Variants in FHIP1A observed in about 807,000 individuals in gnomAD.
FHIP1A encodes FHF complex subunit HOOK-interacting protein 1A.
A neutral mutation model predicts 88.6 loss-of-function variants in FHIP1A; 61 were observed. The observed-to-expected ratio is 0.69, with a 90% CI of 0.56 to 0.85. The LOEUF is 0.85. Ranked by LOEUF, FHIP1A falls within the 40% of genes least tolerant of loss-of-function variation. The probability of loss-of-function intolerance (pLI) is 0.00; values close to 1 mark genes in which losing one functional copy is unlikely to be tolerated. For synonymous variants in FHIP1A, 478 were observed against 496.0 expected (o/e 0.96, Z 0.48); for missense variants, 1,154 against 1,273.5 (o/e 0.91, Z 1.43).
rs536110772 is a variant in FHIP1A at position 151,629,754 on chromosome 4, G to T, written c.1031G>T (p.Arg344Leu). The change falls in exon 8 of 14, where the codon CGT becomes CTT. Residue 344 changes from arginine to leucine, a missense_variant. Physicochemically the swap from Arg to Leu is moderately radical, Grantham distance 102. Transcript: ENST00000435205. ...TTTAYLDLFL[R>L]SISEPALLEI... ...ACTGCATATCTGGACCTTTTCCTGC[G>T]TAGCATCTCCGAGCCAGCACTACTT... 5.2e-6 allele frequency: 8 copies of T among 1,551,350 alleles called. No homozygotes were observed. Among genetic ancestry groups the T allele is most frequent in the Admixed American group, 3.9e-5 (2 of 50,978 alleles).
At chr4:151,447,182 G>T (rs932283959) in intron 1 of FHIP1A, among the ~76,000 whole-genome samples, 5 of 152,098 alleles carry the variant, frequency 3.3e-5, no homozygotes, top group Admixed American at 2.6e-4. Context: ...ATACTCTTTG[G>T]AAGACTTCTT....
chr4:151,424,393 G>A (rs1248228020), intron 1 of FHIP1A, among the ~76,000 whole-genome samples: 4 of 152,152 alleles, frequency 2.6e-5, no homozygotes, highest in African/African-American at 7.2e-5. Context: ...GTTTACTCCC[G>A]AGGGGAGAAG....
At chr4:151,572,986 C>T (rs1290422130) in intron 4 of FHIP1A, among the ~76,000 whole-genome samples, 1 of 152,120 alleles carries the variant, frequency 6.6e-6, no homozygotes, top group African/African-American at 2.4e-5. Context: ...ATTTGAAATT[C>T]AGGCCAATTA....
chr4:151,591,671 A>G (rs371149920), intron 7 of FHIP1A, among the ~76,000 whole-genome samples: 6 of 151,488 alleles, frequency 4.0e-5, no homozygotes, highest in Non-Finnish European at 7.4e-5. Flanking sequence ...TTCTCGTTCA[A>G]CTCCCACTTA....
intron 1 of FHIP1A, among the ~76,000 whole-genome samples, chr4:151,434,014 G>T (rs1733703003): frequency 6.6e-6 from 1 of 152,146 alleles, no homozygotes; most frequent in African/African-American, 2.4e-5. Context: ...AAAGAACTTT[G>T]CTTCCCTGAA....
intron 8 of FHIP1A, among the ~76,000 whole-genome samples, 166 bp downstream of exon 8, chr4:151,630,035 G>A (rs144931457): frequency 2.0e-5 from 3 of 152,036 alleles, no homozygotes; most frequent in Admixed American, 1.3e-4. Flanking sequence ...TATTTGGGTA[G>A]AGATGAATGG....
intron 10 of FHIP1A, 36 bp downstream of exon 10, chr4:151,646,784 G>C: frequency 7.0e-7 from 1 of 1,430,374 alleles, no homozygotes; most frequent in Non-Finnish European, 9.5e-7. Context: ...TAAACAAAAG[G>C]ATGCCAGTTC....
chr4:151,507,112 G>A (rs1015614918), intron 3 of FHIP1A, among the ~76,000 whole-genome samples: 26 of 151,948 alleles, frequency 1.7e-4, no homozygotes, highest in Admixed American at 1.5e-3. Context: ...TGCTGTGAAA[G>A]CCTTTCCCCT....
chr4:151,639,859 C>T (rs1736502307), intron 9 of FHIP1A, among the ~76,000 whole-genome samples: 1 of 152,184 alleles, frequency 6.6e-6, no homozygotes, highest in South Asian at 2.1e-4. Context: ...CCTGACCCTT[C>T]ATTTGACCAG....
chr4:151,478,359 A>G (rs998047421), intron 2 of FHIP1A, among the ~76,000 whole-genome samples: 3 of 152,194 alleles, frequency 2.0e-5, no homozygotes, highest in Non-Finnish European at 4.4e-5. Flanking sequence ...CTCATTTCAA[A>G]AAAAATCTAC....
chr4:151,619,789 C>T (rs898242004), intron 7 of FHIP1A, among the ~76,000 whole-genome samples: 1 of 152,206 alleles, frequency 6.6e-6, no homozygotes, highest in African/African-American at 2.4e-5. Context: ...TTTTATTTCT[C>T]TTACTCAGAG....
Position 151,667,511 on chromosome 4 carries a change from T to A in FHIP1A, c.*4757T>A, listed in dbSNP as rs1475350124. 6.6e-6 allele frequency among the ~76,000 whole-genome samples: 1 copy of A among 152,226 alleles called. No individual in the cohort carries two copies. Among genetic ancestry groups the A allele is most frequent in the East Asian group, 1.9e-4 (1 of 5,200 alleles). ...AATCCTCTCTACATTCAGGCATTTA[T>A]TAGGCCATTACTTGTTTTGGGACTA... On this transcript the variant is annotated 3_prime_UTR_variant, in exon 14 of 14. Coordinates refer to ENST00000435205, the MANE Select transcript of FHIP1A (RefSeq NM_001109977.3).
At chr4:151,532,071 A>AT (rs1731897841) in intron 3 of FHIP1A, among the ~76,000 whole-genome samples, 1 of 152,166 alleles carries the variant, frequency 6.6e-6, no homozygotes, top group Non-Finnish European at 1.5e-5. Context: ...CTATTTGATT[A>AT]TTTTTTTAAA....
chr4:151,643,055 A>G (rs1021189338), intron 9 of FHIP1A, among the ~76,000 whole-genome samples: 7 of 151,966 alleles, frequency 4.6e-5, no homozygotes, highest in Non-Finnish European at 7.4e-5. Flanking sequence ...TTAAATTCTC[A>G]AACAAAATAC....
intron 1 of FHIP1A, among the ~76,000 whole-genome samples, chr4:151,424,574 A>G (rs148897485): frequency 6.6e-6 from 1 of 152,318 alleles, no homozygotes; most frequent in Non-Finnish European, 1.5e-5. Context: ...CTGATAGGGC[A>G]TAAACCCTAA....
At chr4:151,612,742 G>C (rs1735372949) in intron 7 of FHIP1A, among the ~76,000 whole-genome samples, 1 of 152,170 alleles carries the variant, frequency 6.6e-6, no homozygotes, top group Non-Finnish European at 1.5e-5. Context: ...AAGAGAGCTT[G>C]TGCCATCTAG....
At chr4:151,412,610 TCCTCCCTCCCTCCCTCCCTC>T (rs1180732756) in intron 1 of FHIP1A, among the ~76,000 whole-genome samples, 40 of 121,954 alleles carry the variant, frequency 3.3e-4, no homozygotes, top group African/African-American at 8.5e-4. Context: ...CTTCCTTCCT[TCCTCCCTCCCTCCCTCCCTC>T]CCTCCCTCCC....
At chr4:151,443,209 G>A (rs879768404) in intron 1 of FHIP1A, among the ~76,000 whole-genome samples, 35 of 152,202 alleles carry the variant, frequency 2.3e-4, no homozygotes, top group African/African-American at 8.4e-4. Context: ...GAGATAGGAC[G>A]ATCACTTGAG....
At chr4:151,559,622 A>G (rs527479100) in intron 3 of FHIP1A, among the ~76,000 whole-genome samples, 3 of 152,308 alleles carry the variant, frequency 2.0e-5, no homozygotes, top group Admixed American at 6.5e-5. Flanking sequence ...TTATAATTGT[A>G]ACATAGTATT....
Sources: gnomAD v4.1 joint callset for allele counts (sites outside exome capture counted in the v4.1 genomes callset) on GRCh38, gnomAD v4.1.1 for gene constraint, MANE v1.5 for transcripts, NCBI Gene and HGNC (gene_info 2026-07-23, HGNC 2026-07-21) for gene names.